PLXNA1: variants seen among roughly 807,000 people sequenced by gnomAD.
PLXNA1 encodes plexin-A1.
In PLXNA1, 77 loss-of-function variants were observed where a neutral mutation model predicts 191.7. That is an observed-to-expected ratio of 0.40 (90% CI 0.33 to 0.49). The LOEUF (loss-of-function observed/expected upper bound fraction) is 0.49. Ranked by LOEUF, PLXNA1 falls within the 20% of genes least tolerant of loss-of-function variation. PLXNA1 has a pLI of 0.63. For missense variants in PLXNA1, 2,110 were observed against 2,660.2 expected (o/e 0.79, Z 4.55); for synonymous variants, 1,137 against 1,156.4 (o/e 0.98, Z 0.34).
At chr3:126,995,732 C>G (rs1405288342) in intron 3 of PLXNA1, among the ~76,000 whole-genome samples, 2 of 152,238 alleles carry the variant, frequency 1.3e-5, no homozygotes. Flanking sequence ...GTTTGTGGCC[C>G]AGGGACCTGC....
In PLXNA1 at chr3:127,016,599, G is replaced by A. The variant is rs753534974; in HGVS notation, c.3097G>A (p.Ala1033Thr). ...TCCCATCATCATCAACATCAACCGCGCCCAGCTCACCAACCCTGAGGTGAA... is the reference window on the plus strand; with the variant it reads ...TCCCATCATCATCAACATCAACCGCACCCAGCTCACCAACCCTGAGGTGAA... ...SAPIIININR[A>T]QLTNPEVKYN... is the part of the protein sequence containing the mutation. The change falls in exon 16 of 32, where the codon GCC (alanine) becomes ACC (threonine). Residue 1033 changes from alanine to threonine, a missense_variant. This residue lies in a region of PLXNA1 where 644 missense variants were observed against 714.3 expected (regional missense o/e 0.90). Coordinates refer to ENST00000393409, the MANE Select transcript of PLXNA1 (RefSeq NM_032242.4). The A allele has an allele frequency of 6.2e-6, 10 of 1,613,840 alleles. No homozygotes were observed. Among genetic ancestry groups the A allele is most frequent in the East Asian group, 2.2e-5 (1 of 44,882 alleles).
intron 26 of PLXNA1, 137 bp from the exon 27 acceptor site, chr3:127,029,303 A>G: frequency 1.1e-6 from 1 of 879,470 alleles, no homozygotes; most frequent in South Asian, 1.5e-5. Flanking sequence ...GTCCTGATAT[A>G]GAGTTCCAGA....
At chr3:126,991,601 T>G in intron 3 of PLXNA1, 35 bp downstream of exon 3, 2 of 1,528,238 alleles carry the variant, frequency 1.3e-6, no homozygotes, top group South Asian at 2.5e-5. Flanking sequence ...AGGAGGGGGC[T>G]TGGGGCAGGA....
In PLXNA1 at chr3:127,012,503, A is replaced by G. The variant is rs79731161; in HGVS notation, c.2313+345A>G. Among the ~76,000 whole-genome samples the G allele has an allele frequency of 1.7e-3, 262 of 152,334 alleles. 2 individuals carry two copies. The highest frequency in any genetic ancestry group is 6.1e-3 in the African/African-American group (252 of 41,586). On this transcript the variant is annotated intron_variant, in intron 10 of 31. Transcript: ENST00000393409. ...CGTGGGTCCCAGGCATGGGCTGATC[A>G]TCAGGTCTGAGTGTGTGCAGGAATA...
intron 7 of PLXNA1, among the ~76,000 whole-genome samples, chr3:127,005,802 G>A (rs77845906): frequency 0.1 from 15,536 of 152,142 alleles, 1,017 homozygotes; most frequent in East Asian, 0.24. Flanking sequence ...GCCACAGCCC[G>A]TTGGACAGTC....
intron 27 of PLXNA1, 23 bp from the exon 28 acceptor site, chr3:127,029,851 G>A: frequency 6.3e-7 from 1 of 1,578,880 alleles, no homozygotes; most frequent in Non-Finnish European, 8.6e-7. Flanking sequence ...GCCAACGCGG[G>A]CGCTGACAGC....
intron 3 of PLXNA1, among the ~76,000 whole-genome samples, chr3:126,997,299 C>A (rs2079019021): frequency 6.6e-6 from 1 of 152,186 alleles, no homozygotes; most frequent in South Asian, 2.1e-4. Flanking sequence ...GGCTGTGGAG[C>A]CTCTGTTGTT....
chr3:127,006,187 C>T lies in PLXNA1; in HGVS notation c.1997+9C>T. 1 of 1,606,634 alleles carries T rather than the reference C, an allele frequency of 6.2e-7. No homozygotes were observed. On this transcript the variant is annotated intron_variant, in intron 8 of 31. Transcript: ENST00000393409. Reference sequence around the variant, plus strand: ...TGCAGCGTCCACCAGTCGTGAGTGTCTCTAGGCCCCTCCGCCCGCCTGGGC... The same window carrying T: ...TGCAGCGTCCACCAGTCGTGAGTGTTTCTAGGCCCCTCCGCCCGCCTGGGC...
intron 9 of PLXNA1, among the ~76,000 whole-genome samples, chr3:127,011,169 G>A (rs1222180165): frequency 6.6e-6 from 1 of 152,228 alleles, no homozygotes; most frequent in Non-Finnish European, 1.5e-5. Context: ...AGAGTTGCAA[G>A]TGCAGCCCCT....
At chr3:127,033,291 A>G (rs2079221851) in intron 31 of PLXNA1, among the ~76,000 whole-genome samples, 1 of 152,244 alleles carries the variant, frequency 6.6e-6, no homozygotes, top group Admixed American at 6.5e-5. Flanking sequence ...TCCAGGAAGG[A>G]GAACTGGCTC....
intron 1 of PLXNA1, among the ~76,000 whole-genome samples, chr3:126,984,770 G>GC (rs1291875920): frequency 2.6e-5 from 4 of 152,204 alleles, no homozygotes; most frequent in Non-Finnish European, 4.4e-5. Flanking sequence ...TGGACTCCTG[G>GC]CCCCCCAAGG....
At chr3:127,006,299 G>A (rs1024019209) in intron 8 of PLXNA1, 121 bp downstream of exon 8, 5 of 762,554 alleles carry the variant, frequency 6.6e-6, no homozygotes, top group Middle Eastern at 3.5e-4. Context: ...GCAGCAGATG[G>A]TGATTCCATG....
At chr3:127,025,179 C>G (rs1282982862) in intron 23 of PLXNA1, among the ~76,000 whole-genome samples, 1 of 152,152 alleles carries the variant, frequency 6.6e-6, no homozygotes, top group Non-Finnish European at 1.5e-5. Context: ...TATAGTGTCA[C>G]ACAGAATAGT....
chr3:127,014,626 A>G lies in PLXNA1; in HGVS notation c.2753A>G (p.Glu918Gly), dbSNP rs2079113488. The G allele has an allele frequency of 6.2e-7, 1 of 1,612,932 alleles. No individual in the cohort carries two copies. Among genetic ancestry groups the G allele is most frequent in the Non-Finnish European group, 8.5e-7 (1 of 1,179,670 alleles). ...SPVESEYISA[E>G]QIVCEIGDAS... is the part of the protein sequence containing the mutation. ...GTGGAGAGCGAGTACATCAGTGCGGAGCAGTGAGTGCAGCCCTGGGTGTGT... is the reference window on the plus strand; with the variant it reads ...GTGGAGAGCGAGTACATCAGTGCGGGGCAGTGAGTGCAGCCCTGGGTGTGT... Residue 918 changes from glutamate (E) to glycine (G), a missense_variant, in exon 13 of 32, where the codon GAG becomes GGG. Glu to Gly is a moderately conservative substitution (Grantham distance 98). Coordinates refer to ENST00000393409, the MANE Select transcript of PLXNA1 (RefSeq NM_032242.4).
intron 7 of PLXNA1, among the ~76,000 whole-genome samples, chr3:127,005,575 C>T (rs994347681): frequency 6.6e-6 from 1 of 152,198 alleles, no homozygotes; most frequent in South Asian, 2.1e-4. Context: ...TTATTGCCAT[C>T]CCTACTGGCA....
chr3:127,032,740 G>GT lies in PLXNA1; in HGVS notation c.5500dup (p.Tyr1834LeufsTer4). The GT allele has an allele frequency of 6.2e-7, 1 of 1,613,398 alleles. No individual in the cohort carries two copies. Among genetic ancestry groups the GT allele is most frequent in the Non-Finnish European group, 8.5e-7 (1 of 1,180,010 alleles). On this transcript the variant is annotated frameshift_variant, in exon 31 of 32. Transcript: ENST00000393409. LOFTEE classifies it high-confidence loss of function. ...CCATCAGCGACCAGGACATGAGTGC[G>GT]TATCTGGCTGAGCAGTCCCGCCTGC...
At position 126,984,946 on chromosome 3, in the gene PLXNA1, T is replaced by C. The variant is rs546060698; in HGVS notation, c.-74+1659T>C. Among the ~76,000 whole-genome samples, 245 of 152,116 alleles carry C rather than the reference T, an allele frequency of 1.6e-3. 1 individual carries two copies. The highest frequency in any genetic ancestry group is 2.8e-3 in the Non-Finnish European group (187 of 67,970). On this transcript the variant is annotated intron_variant, in intron 1 of 31. Transcript: ENST00000393409. ...TCAGAGCCGGATCCCCTAGGACTGGTCGGGAGCAGAACCACTGGGACCACC... is the reference window on the plus strand; with the variant it reads ...TCAGAGCCGGATCCCCTAGGACTGGCCGGGAGCAGAACCACTGGGACCACC...
intron 2 of PLXNA1, among the ~76,000 whole-genome samples, chr3:126,990,520 A>G (rs1320448475): frequency 1.3e-5 from 2 of 152,152 alleles, no homozygotes; most frequent in African/African-American, 4.8e-5. Context: ...TAGGGTGGAA[A>G]GTGAAGGGGC....
intron 2 of PLXNA1, among the ~76,000 whole-genome samples, chr3:126,990,135 G>C (rs1405105956): frequency 6.6e-6 from 1 of 152,216 alleles, no homozygotes; most frequent in Non-Finnish European, 1.5e-5. Flanking sequence ...GCTCCATCTT[G>C]TCCCCATCCT....
Sources: gnomAD v4.1 joint callset for allele counts (sites outside exome capture counted in the v4.1 genomes callset) on GRCh38, gnomAD v4.1.1 for gene constraint, gnomAD v4.1.1 regional missense constraint, MANE v1.5 for transcripts, NCBI Gene and HGNC (gene_info 2026-07-23, HGNC 2026-07-21) for gene names.